GPC5: variants seen among roughly 807,000 people sequenced by gnomAD.
The protein encoded by GPC5 is glypican-5.
Under a neutral mutation model 53.9 loss-of-function variants are expected in GPC5, and 47 were observed. The observed-to-expected ratio is 0.87, with a 90% CI of 0.69 to 1.11. GPC5 has a LOEUF of 1.11. Ranked by LOEUF, GPC5 falls within the 50% of genes most tolerant of loss-of-function variation. The probability of loss-of-function intolerance (pLI) is 0.00; values close to 1 mark genes in which losing one functional copy is unlikely to be tolerated. For missense variants in GPC5, 748 were observed against 713.1 expected, an observed-to-expected ratio of 1.05 and a Z score of -0.56; for synonymous variants, 286 against 263.3, an observed-to-expected ratio of 1.09 and a Z score of -0.84.
chr13:92,403,973 TTTTG>T (rs144494344), intron 7 of GPC5, among the ~76,000 whole-genome samples: 3,909 of 152,288 alleles, frequency 0.026, 128 homozygotes, highest in East Asian at 0.12. Context: ...ATTATTATTA[TTTTG>T]TTTGTCAAAA....
intron 7 of GPC5, among the ~76,000 whole-genome samples, chr13:92,749,508 G>A (rs1454166426): frequency 2.6e-5 from 4 of 152,000 alleles, no homozygotes; most frequent in African/African-American, 9.7e-5. Context: ...TATTCTGTTT[G>A]ATTTTTTGAT....
chr13:91,511,611 G>A (rs559937081), intron 2 of GPC5, among the ~76,000 whole-genome samples: 8 of 152,086 alleles, frequency 5.3e-5, no homozygotes, highest in African/African-American at 1.7e-4. Context: ...CTTTAAGTTC[G>A]TTGATCTTTT....
At chr13:92,025,649 A>G (rs1301042449) in intron 6 of GPC5, among the ~76,000 whole-genome samples, 4 of 152,320 alleles carry the variant, frequency 2.6e-5, no homozygotes, top group Admixed American at 1.3e-4. Flanking sequence ...GTGTACAGAA[A>G]GAGGGATTTT....
chr13:92,630,767 T>G (rs1885210385), intron 7 of GPC5, among the ~76,000 whole-genome samples: 1 of 152,178 alleles, frequency 6.6e-6, no homozygotes, highest in African/African-American at 2.4e-5. Flanking sequence ...TGCTGGCCTC[T>G]GGTGTCTCAA....
rs1264865026 is a variant in GPC5, at chr13:92,385,365, T to TATATACATATATAC, written c.1561+240381_1561+240382insCATATATACATATA. Among the ~76,000 whole-genome samples, 192 of 46,748 alleles carry TATATACATATATAC rather than the reference T, an allele frequency of 4.1e-3. 15 individuals are homozygous for TATATACATATATAC. Among genetic ancestry groups the TATATACATATATAC allele is most frequent in the Non-Finnish European group, 8.1e-3 (153 of 18,812 alleles). 30.7% of individuals were successfully genotyped at this position (46,748 alleles called of 152,430 possible). A position where few individuals can be genotyped will look rare whatever the true frequency, so the allele number is the denominator to read the frequency against. On this transcript the variant is annotated intron_variant, in intron 7 of 7. Coordinates refer to ENST00000377067, the MANE Select transcript of GPC5 (RefSeq NM_004466.6). ...ATATATACATATATACATATATACA[T>TATATACATATATAC]ATATATACATATATACATATATATA...
intron 2 of GPC5, among the ~76,000 whole-genome samples, chr13:91,622,026 G>A (rs994212700): frequency 2.0e-5 from 3 of 151,946 alleles, no homozygotes; most frequent in African/African-American, 4.8e-5. Context: ...AGAGTAGGAA[G>A]CATCCAGCAC....
chr13:92,561,962 C>T (rs1191738340), intron 7 of GPC5, among the ~76,000 whole-genome samples: 1 of 152,046 alleles, frequency 6.6e-6, no homozygotes, highest in Non-Finnish European at 1.5e-5. Flanking sequence ...AATATCTTCT[C>T]TTTCCTGATA....
chr13:92,185,101 C>G (rs975867481), intron 7 of GPC5, among the ~76,000 whole-genome samples: 1 of 151,992 alleles, frequency 6.6e-6, no homozygotes, highest in African/African-American at 2.4e-5. Flanking sequence ...TGCACTGAGT[C>G]CCATTGTTTA....
At chr13:92,126,679 A>G (rs1339014546) in intron 6 of GPC5, among the ~76,000 whole-genome samples, 1 of 152,204 alleles carries the variant, frequency 6.6e-6, no homozygotes, top group Non-Finnish European at 1.5e-5. Context: ...CTGGCCCTGG[A>G]CAGGAAATGT....
At chr13:92,123,919 C>A (rs948226742) in intron 6 of GPC5, among the ~76,000 whole-genome samples, 1 of 151,932 alleles carries the variant, frequency 6.6e-6, no homozygotes, top group Non-Finnish European at 1.5e-5. Context: ...AACTATTTTC[C>A]AAATTATTTT....
chr13:92,429,511 A>G (rs1876992148), intron 7 of GPC5, among the ~76,000 whole-genome samples: 1 of 151,918 alleles, frequency 6.6e-6, no homozygotes, highest in Non-Finnish European at 1.5e-5. Flanking sequence ...AAATTTTATA[A>G]TCACAAAAGA....
At chr13:92,333,777 A>G (rs1238114154) in intron 7 of GPC5, among the ~76,000 whole-genome samples, 1 of 152,120 alleles carries the variant, frequency 6.6e-6, no homozygotes, top group Non-Finnish European at 1.5e-5. Context: ...CAAACCCACA[A>G]TTTGAAGAGG....
intron 7 of GPC5, among the ~76,000 whole-genome samples, chr13:92,489,162 ACT>A (rs1443156451): frequency 6.6e-6 from 1 of 152,170 alleles, no homozygotes; most frequent in African/African-American, 2.4e-5. Flanking sequence ...CTACTGCTAA[ACT>A]CTGATGAAAT....
chr13:92,316,050 G>A (rs1311180313), intron 7 of GPC5, among the ~76,000 whole-genome samples: 2 of 152,066 alleles, frequency 1.3e-5, no homozygotes, highest in Admixed American at 6.6e-5. Context: ...GATAGAATTC[G>A]ATCAGAGGGT....
At chr13:91,558,078 G>A (rs2031056471) in intron 2 of GPC5, among the ~76,000 whole-genome samples, 1 of 152,074 alleles carries the variant, frequency 6.6e-6, no homozygotes, top group African/African-American at 2.4e-5. Context: ...TGAACTGGGT[G>A]GTTTTAAGGT....
At chr13:92,530,424 A>T (rs980092347) in intron 7 of GPC5, among the ~76,000 whole-genome samples, 1 of 129,652 alleles carries the variant, frequency 7.7e-6, no homozygotes, top group Non-Finnish European at 1.8e-5. Context: ...CAGTGCAGCC[A>T]GTGGAGGCAA....
At chr13:91,776,377 C>T (rs1040115035) in intron 5 of GPC5, among the ~76,000 whole-genome samples, 9 of 152,086 alleles carry the variant, frequency 5.9e-5, no homozygotes, top group Non-Finnish European at 1.3e-4. Flanking sequence ...GTTTATACAT[C>T]CTTATAGGTT....
At chr13:91,494,334 ATTATTATTATTATTT>A (rs960686069) in intron 2 of GPC5, among the ~76,000 whole-genome samples, 1 of 111,808 alleles carries the variant, frequency 8.9e-6, no homozygotes, top group African/African-American at 4.3e-5. Context: ...CTCCATTATT[ATTATTATTATTATTT>A]TTATTAATTA....
intron 6 of GPC5, among the ~76,000 whole-genome samples, chr13:92,033,382 A>G (rs1397904845): frequency 2.0e-5 from 3 of 152,144 alleles, no homozygotes; most frequent in Non-Finnish European, 4.4e-5. Context: ...GAAATACAAG[A>G]TATCTTACCT....
Sources: allele counts gnomAD v4.1 joint callset (sites outside exome capture counted in the v4.1 genomes callset), GRCh38; gene constraint gnomAD v4.1.1; transcripts MANE v1.5; gene names NCBI Gene and HGNC (gene_info 2026-07-23, HGNC 2026-07-21).